The following PABPC4L variants were observed in gnomAD, a reference collection of about 807,000 sequenced individuals.
PABPC4L encodes the protein poly(A) binding protein cytoplasmic 4 like.
For synonymous variants in PABPC4L, 169 were observed against 164.1 expected (o/e 1.03, Z -0.23); for missense variants, 452 against 451.4 (o/e 1.00, Z -0.01).
At chr4:134,030,220 G>A in the PABPC4L span, among the ~76,000 whole-genome samples, 1 of 152,022 alleles carries the variant, frequency 6.6e-6, no homozygotes, top group Non-Finnish European at 1.5e-5. Flanking sequence ...AAATGTGGGA[G>A]CGACTTTGGA....
the PABPC4L span, among the ~76,000 whole-genome samples, chr4:133,988,374 A>G: frequency 6.6e-6 from 1 of 152,242 alleles, no homozygotes; most frequent in Non-Finnish European, 1.5e-5. Context: ...ATTCCTGGAT[A>G]CAATGAGGGT....
chr4:134,072,094 G>GA, the PABPC4L span, among the ~76,000 whole-genome samples: 96 of 148,308 alleles, frequency 6.5e-4, 1 homozygote, highest in South Asian at 2.8e-3. Flanking sequence ...ATTTCTCTCT[G>GA]AAAAAAAAAA....
chr4:134,060,717 T>C, the PABPC4L span, among the ~76,000 whole-genome samples: 2 of 151,930 alleles, frequency 1.3e-5, no homozygotes, highest in Non-Finnish European at 2.9e-5. Context: ...ATGGTACATA[T>C]ACACAGGGAG....
chr4:133,953,612 C>T, the PABPC4L span, among the ~76,000 whole-genome samples: 1 of 152,138 alleles, frequency 6.6e-6, no homozygotes. Context: ...GCTTTCAAGA[C>T]ATTTCGTGTC....
At position 134,200,026 on chromosome 4, in the gene PABPC4L, T is replaced by C. The variant is rs1456131069; in HGVS notation, c.994A>G (p.Lys332Glu). The part of the protein sequence containing the change: ...VKVMQEEGQS[K>E]GFGLICFSSP... ...GAGAAGCAGATCAAGCCAAACCCTT[T>C]GCTCTGCCCCTCTTCCTGCATTACC... is the stretch of plus-strand genomic sequence containing the variant. Residue 332 changes from lysine (K) to glutamate (E), a missense_variant, in exon 2 of 2, where the codon AAA becomes GAA. Coordinates refer to ENST00000421491, the MANE Select transcript of PABPC4L (RefSeq NM_001114734.2). 6.4e-7 allele frequency: 1 copy of C among 1,551,576 alleles called. No homozygotes were observed. Among genetic ancestry groups the C allele is most frequent in the Non-Finnish European group, 8.7e-7 (1 of 1,146,990 alleles).
At chr4:134,086,572 C>A in the PABPC4L span, among the ~76,000 whole-genome samples, 2 of 151,820 alleles carry the variant, frequency 1.3e-5, no homozygotes, top group Non-Finnish European at 2.9e-5. Context: ...CATATGGAAC[C>A]CAAAAGATAA....
At chr4:134,194,215 G>A (rs1401414795), downstream of PABPC4L, among the ~76,000 whole-genome samples, 1 of 151,808 alleles carries the variant, frequency 6.6e-6, no homozygotes, top group Non-Finnish European at 1.5e-5. Flanking sequence ...AGGGAAATGG[G>A]AGTACTGAGA....
chr4:134,081,419 A>G, the PABPC4L span, among the ~76,000 whole-genome samples: 1 of 152,182 alleles, frequency 6.6e-6, no homozygotes, highest in Non-Finnish European at 1.5e-5. Context: ...TTGCATAAAG[A>G]GTGGGCTGCA....
chr4:134,119,995 G>C, the PABPC4L span, among the ~76,000 whole-genome samples: 1 of 151,500 alleles, frequency 6.6e-6, no homozygotes. Context: ...TTCTAACATT[G>C]ATAGCAATCA....
the PABPC4L span, among the ~76,000 whole-genome samples, chr4:134,059,825 C>T: frequency 5.9e-5 from 9 of 151,976 alleles, no homozygotes; most frequent in Admixed American, 2.0e-4. Flanking sequence ...ATCATCTCCC[C>T]GACAGGAATA....
chr4:133,995,174 T>A, the PABPC4L span, among the ~76,000 whole-genome samples: 1 of 152,162 alleles, frequency 6.6e-6, no homozygotes, highest in Admixed American at 6.5e-5. Context: ...ATTTGGACAG[T>A]CATTGATTTG....
downstream of PABPC4L, among the ~76,000 whole-genome samples, chr4:134,195,694 A>G (rs139094684): frequency 6.6e-6 from 1 of 151,708 alleles, no homozygotes; most frequent in East Asian, 1.9e-4. Flanking sequence ...TTTGGATTCA[A>G]TTGTTTCATT....
chr4:134,109,896 C>G, the PABPC4L span, among the ~76,000 whole-genome samples: 1 of 151,794 alleles, frequency 6.6e-6, no homozygotes, highest in Non-Finnish European at 1.5e-5. Context: ...CGTGTGCCAC[C>G]CAGAAACTCT....
the PABPC4L span, among the ~76,000 whole-genome samples, chr4:133,983,980 A>G: frequency 6.6e-6 from 1 of 151,914 alleles, no homozygotes; most frequent in African/African-American, 2.4e-5. Context: ...AAGAGTACAA[A>G]GAAATCTATA....
the PABPC4L span, among the ~76,000 whole-genome samples, chr4:134,014,695 C>T: frequency 5.9e-5 from 9 of 151,898 alleles, no homozygotes; most frequent in African/African-American, 1.5e-4. Flanking sequence ...TCACGGATGC[C>T]GAGCTTTTGG....
chr4:134,066,269 G>A, the PABPC4L span, among the ~76,000 whole-genome samples: 73,587 of 151,754 alleles, frequency 0.48, 18,719 homozygotes, highest in East Asian at 0.93. Context: ...CACCTCACTG[G>A]TTAGCTCTAT....
At chr4:134,100,059 T>C in the PABPC4L span, among the ~76,000 whole-genome samples, 19 of 151,746 alleles carry the variant, frequency 1.3e-4, no homozygotes, top group Admixed American at 2.0e-4. Context: ...TGAATGGAGA[T>C]GCCGCATCAG....
the PABPC4L span, among the ~76,000 whole-genome samples, chr4:134,107,487 C>T: frequency 2.0e-5 from 3 of 151,314 alleles, no homozygotes; most frequent in African/African-American, 7.3e-5. Flanking sequence ...AGGTAAAAAC[C>T]AATGTACTGT....
chr4:134,033,455 AATT>A, the PABPC4L span, among the ~76,000 whole-genome samples: 2 of 151,902 alleles, frequency 1.3e-5, no homozygotes, highest in African/African-American at 4.8e-5. Flanking sequence ...AGCTATAAAT[AATT>A]AAGTTTTGTG....
Sources: gnomAD v4.1 joint callset for allele counts (sites outside exome capture counted in the v4.1 genomes callset) on GRCh38, gnomAD v4.1.1 for gene constraint, MANE v1.5 for transcripts, NCBI Gene and HGNC (gene_info 2026-07-23, HGNC 2026-07-21) for gene names.